PHEX: variants seen among roughly 807,000 people sequenced by gnomAD.
PHEX encodes phosphate regulating endopeptidase X-linked.
In PHEX, 16 loss-of-function variants were observed where a neutral mutation model predicts 68.0. The observed-to-expected ratio is 0.24, with a 90% CI of 0.16 to 0.36. PHEX has a LOEUF of 0.36. PHEX is among the 10% of genes least tolerant of loss of function. The pLI is 1.00. For synonymous variants in PHEX, 208 were observed against 205.1 expected (o/e 1.01, Z -0.12); for missense variants, 480 against 575.5 (o/e 0.83, Z 1.70).
At chrX:22,135,874 C>CAAAT (rs1932206798) in intron 12 of PHEX, among the ~76,000 whole-genome samples, 2 of 111,451 alleles carry the variant, frequency 1.8e-5, no homozygotes, top group African/African-American at 6.5e-5. Flanking sequence ...ACGACAGGTA[C>CAAAT]AAATATCAAA....
chrX:22,235,424 A>C (rs749630263), intron 20 of PHEX, among the ~76,000 whole-genome samples: 1 of 112,138 alleles, frequency 8.9e-6, no homozygotes, highest in East Asian at 2.8e-4. Flanking sequence ...GAACAACAGA[A>C]ATTTATCACA....
intron 1 of PHEX, among the ~76,000 whole-genome samples, chrX:22,036,145 C>T (rs1258992980): frequency 1.9e-5 from 2 of 102,663 alleles, no homozygotes; most frequent in Admixed American, 1.1e-4. Flanking sequence ...CTACAACCTC[C>T]GCCTCCTGGG....
rs1469519741 is a variant in PHEX, at chrX:22,251,302, C to A, written c.*3349C>A. The stretch of plus-strand genomic sequence containing the variant: ...CATTTTAAGGACAATAAAAAGTTAG[C>A]TGGTTGAAGGCTTTCTGTGTCTTTC... On this transcript the variant is annotated 3_prime_UTR_variant, in exon 22 of 22. Coordinates refer to ENST00000379374, the MANE Select transcript of PHEX (RefSeq NM_000444.6). 8.9e-6 allele frequency: 1 copy of A among 112,472 alleles called. No individual in the cohort carries two copies. Among genetic ancestry groups the A allele is most frequent in the Non-Finnish European group, 1.9e-5 (1 of 53,299 alleles). 9.3% of individuals were successfully genotyped at this position (112,472 alleles called of 1,213,427 possible). A position where few individuals can be genotyped will look rare whatever the true frequency, so the allele number is the denominator to read the frequency against.
Position 22,212,992 on chromosome X carries a change from C to A in PHEX, c.1700+34C>A, listed in dbSNP as rs764290461. 1.4e-5 allele frequency: 14 copies of A among 1,017,205 alleles called. No individual in the cohort carries two copies. In the African/African-American group the frequency reaches 2.2e-4, roughly 16 times the overall value. The allele number at this position is 1,017,205 out of a possible 1,213,427, so 83.8% of individuals were successfully genotyped here. A position where few individuals can be genotyped will look rare whatever the true frequency, so the allele number is the denominator to read the frequency against. On this transcript the variant is annotated intron_variant, in intron 16 of 21. Transcript: ENST00000379374. The stretch of plus-strand genomic sequence containing the variant: ...ATGAGTACAGAAACCAGTTACTGAC[C>A]AATTAGGAAGAACATGTTGCTTTGG...
At position 22,249,454 on chromosome X, in the gene PHEX, AAATATATATATATATAT is replaced by A. The variant is rs1174382398; in HGVS notation, c.*1503_*1519del. On this transcript the variant is annotated 3_prime_UTR_variant, in exon 22 of 22. Transcript: ENST00000379374. ...TTTGTGATTCTTTTAAAAAAAAAAA[AAATATATATATATATAT>A]ATATATATATATATATGTATATCTA... 5 of 43,088 alleles carry A rather than the reference AAATATATATATATATAT, an allele frequency of 1.2e-4. No individual in the cohort carries two copies. The highest frequency in any genetic ancestry group is 4.5e-4 in the African/African-American group (4 of 8,850). 3.6% of individuals were successfully genotyped at this position (43,088 alleles called of 1,213,427 possible). A position where few individuals can be genotyped will look rare whatever the true frequency, so the allele number is the denominator to read the frequency against.
intron 11 of PHEX, among the ~76,000 whole-genome samples, chrX:22,123,150 G>C (rs190048097): frequency 9.2e-6 from 1 of 108,759 alleles, no homozygotes; most frequent in Non-Finnish European, 1.9e-5. Context: ...CATGATGCCC[G>C]GCTAATTTTT....
At position 22,176,399 on chromosome X, in the gene PHEX, AAAAATATATAT is replaced by A. The variant is rs1446305691; in HGVS notation, c.1483-1872_1483-1862del. Among the ~76,000 whole-genome samples, 85 of 64,798 alleles carry A rather than the reference AAAAATATATAT, an allele frequency of 1.3e-3. 1 individual carries two copies. The highest frequency in any genetic ancestry group is 3.6e-3 in the African/African-American group (37 of 10,345). 56.3% of individuals were successfully genotyped at this position (64,798 alleles called of 115,157 possible). On this transcript the variant is annotated intron_variant, in intron 13 of 21. Transcript: ENST00000379374. ...GAGACTGTCTCAAAAAAAAAAAAAA[AAAAATATATAT>A]ATATATATATATATATGTATGTATA...
At chrX:22,078,347 C>T (rs1266394723) in intron 5 of PHEX, among the ~76,000 whole-genome samples, 1 of 111,919 alleles carries the variant, frequency 8.9e-6, no homozygotes, top group African/African-American at 3.2e-5. Flanking sequence ...TAAAGACTCA[C>T]CAATGAAAGA....
intron 11 of PHEX, among the ~76,000 whole-genome samples, chrX:22,122,829 C>T (rs1398791818): frequency 9.1e-6 from 1 of 110,416 alleles, no homozygotes; most frequent in Non-Finnish European, 1.9e-5. Context: ...TGCATGTTCT[C>T]ATGGTGATGG....
chrX:22,058,466 A>C (rs990185540), intron 3 of PHEX, among the ~76,000 whole-genome samples: 4 of 112,648 alleles, frequency 3.6e-5, no homozygotes, highest in African/African-American at 1.3e-4. Flanking sequence ...CACTATTAAA[A>C]TAAAATATTG....
chrX:22,206,657 C>T (rs1934720729), intron 15 of PHEX, among the ~76,000 whole-genome samples: 1 of 110,981 alleles, frequency 9.0e-6, no homozygotes, highest in Non-Finnish European at 1.9e-5. Context: ...TGAAGCGAGC[C>T]ATACAGATAG....
At chrX:22,053,842 A>G (rs1927950405) in intron 3 of PHEX, among the ~76,000 whole-genome samples, 1 of 112,323 alleles carries the variant, frequency 8.9e-6, no homozygotes, top group African/African-American at 3.2e-5. Flanking sequence ...GCATTAATGA[A>G]CAGAAAGAGA....
chrX:22,143,771 A>C (rs1932565192), intron 12 of PHEX, among the ~76,000 whole-genome samples: 1 of 112,310 alleles, frequency 8.9e-6, no homozygotes, highest in African/African-American at 3.2e-5. Context: ...CCCCATTGAT[A>C]GTCTTGGAAA....
At chrX:22,102,617 T>G (rs1930479546) in intron 9 of PHEX, among the ~76,000 whole-genome samples, 1 of 111,545 alleles carries the variant, frequency 9.0e-6, no homozygotes, top group Admixed American at 9.5e-5. Flanking sequence ...CACAAGGAGG[T>G]GACATATGAA....
Position 22,228,739 on chromosome X carries a change from A to AAAATT in PHEX, c.2070+1130_2070+1131insATTAA, listed in dbSNP as rs1556153946. Among the ~76,000 whole-genome samples, 411 of 93,686 alleles carry AAAATT rather than the reference A, an allele frequency of 4.4e-3. 2 individuals carry two copies. Among genetic ancestry groups the AAAATT allele is most frequent in the African/African-American group, 0.015 (394 of 26,093 alleles). The allele number at this position is 93,686 out of a possible 115,157, so 81.4% of individuals were successfully genotyped here. A position where few individuals can be genotyped will look rare whatever the true frequency, so the allele number is the denominator to read the frequency against. On this transcript the variant is annotated intron_variant, in intron 20 of 21. Transcript: ENST00000379374. ...TCATACTTTACTTTACTTTAAAAAAAAATTATACTTTAAGTTCTGGGGTAC... is the reference window on the plus strand; with the variant it reads ...TCATACTTTACTTTACTTTAAAAAAAAAATTAATTATACTTTAAGTTCTGGGGTAC...
intron 15 of PHEX, among the ~76,000 whole-genome samples, chrX:22,204,435 A>C (rs1439235256): frequency 1.8e-5 from 2 of 112,530 alleles, no homozygotes; most frequent in African/African-American, 6.5e-5. Context: ...TCAATTAAAA[A>C]GCATACTTTA....
chrX:22,224,139 C>G (rs983175782), intron 18 of PHEX, among the ~76,000 whole-genome samples: 1 of 111,381 alleles, frequency 9.0e-6, no homozygotes, highest in African/African-American at 3.3e-5. Context: ...CCAGCCACCA[C>G]GCCTGGCTGA....
intron 20 of PHEX, among the ~76,000 whole-genome samples, chrX:22,233,424 T>G (rs1014031920): frequency 9.0e-6 from 1 of 111,573 alleles, no homozygotes; most frequent in Non-Finnish European, 1.9e-5. Context: ...GGTTCCATTC[T>G]CCCCGTCACT....
At chrX:22,134,380 C>T (rs1055175497) in intron 12 of PHEX, among the ~76,000 whole-genome samples, 2 of 112,008 alleles carry the variant, frequency 1.8e-5, no homozygotes, top group Non-Finnish European at 3.8e-5. Context: ...CACTTGAGGT[C>T]AGGAGTTTGA....
Sources: gnomAD v4.1 joint callset for allele counts (sites outside exome capture counted in the v4.1 genomes callset) on GRCh38, gnomAD v4.1.1 for gene constraint, MANE v1.5 for transcripts, NCBI Gene and HGNC (gene_info 2026-07-23, HGNC 2026-07-21) for gene names.